Variants in BUB1B observed in about 807,000 individuals in gnomAD.
The protein encoded by BUB1B is mitotic checkpoint serine/threonine-protein kinase BUB1 beta.
In BUB1B, 86 loss-of-function variants were observed where a neutral mutation model predicts 137.7. That is an observed-to-expected ratio of 0.62 (90% CI 0.52 to 0.75). The LOEUF (loss-of-function observed/expected upper bound fraction) is 0.75, where lower values mean the gene tolerates loss of function less well. Among genes scored for constraint, BUB1B ranks in the 30% least tolerant of loss-of-function variants. The pLI, the probability that BUB1B is intolerant of heterozygous loss-of-function variation, is 0.00. For synonymous variants in BUB1B, 420 were observed against 417.9 expected (o/e 1.00, Z -0.06); for missense variants, 1,130 against 1,236.9 (o/e 0.91, Z 1.30).
In BUB1B at chr15:40,220,628, A is replaced by G. The variant is rs750610809; in HGVS notation, c.3022A>G (p.Thr1008Ala). Reference sequence around the variant, plus strand: ...GATTCTGAATGCCAATGATGAGGCCACAGTGTCTGTTCTTGGGGAGCTTGC... The same window carrying G: ...GATTCTGAATGCCAATGATGAGGCCGCAGTGTCTGTTCTTGGGGAGCTTGC... The part of the protein sequence containing the change: ...VRILNANDEA[T>A]VSVLGELAAE... The change falls in exon 23 of 23, where the codon ACA becomes GCA. Residue 1008 changes from threonine (T) to alanine (A), a missense_variant. Transcript: ENST00000287598. The G allele has an allele frequency of 2.5e-5, 41 of 1,614,120 alleles. No individual in the cohort carries two copies. The highest frequency in any genetic ancestry group is 3.5e-5 in the Non-Finnish European group (41 of 1,180,040).
At chr15:40,199,799 G>A in intron 10 of BUB1B, 72 bp downstream of exon 10, 1 of 1,205,746 alleles carries the variant, frequency 8.3e-7, no homozygotes, top group South Asian at 1.3e-5. Flanking sequence ...AAATATAGAA[G>A]GTTAAAGTCC....
intron 9 of BUB1B, among the ~76,000 whole-genome samples, chr15:40,198,597 T>C (rs1025649991): frequency 1.3e-5 from 2 of 152,220 alleles, no homozygotes; most frequent in African/African-American, 4.8e-5. Flanking sequence ...AGGTTGTTTT[T>C]TCTTTGCGTT....
chr15:40,183,728 G>T lies in BUB1B; in HGVS notation c.596G>T (p.Arg199Leu). Residue 199 changes from arginine (R) to leucine (L), a missense_variant, in exon 6 of 23, where the codon CGA becomes CTA. By Grantham distance (102) the Arg-to-Leu change is moderately radical. Transcript: ENST00000287598. ...TGCTACTTTAGACAATTCCAAGCTCGAGTGTCTCGGCAAACTCTGTTGGCA... is the reference window on the plus strand; with the variant it reads ...TGCTACTTTAGACAATTCCAAGCTCTAGTGTCTCGGCAAACTCTGTTGGCA... Reference protein sequence around the residue: ...LQSQHRQFQARVSRQTLLALE... With the variant: ...LQSQHRQFQALVSRQTLLALE... The T allele has an allele frequency of 6.2e-7, 1 of 1,613,992 alleles. No homozygotes were observed.
intron 1 of BUB1B, among the ~76,000 whole-genome samples, chr15:40,163,246 G>T (rs1422487489): frequency 6.6e-6 from 1 of 152,166 alleles, no homozygotes; most frequent in Admixed American, 6.5e-5. Flanking sequence ...GTTGGAAAAT[G>T]AATGAAGGAA....
At chr15:40,184,341 G>T (rs971248075) in intron 6 of BUB1B, among the ~76,000 whole-genome samples, 3 of 148,242 alleles carry the variant, frequency 2.0e-5, no homozygotes, top group African/African-American at 7.6e-5. Flanking sequence ...ATAGGTTCTC[G>T]CTCTGTTGCC....
chr15:40,200,752 T>C (rs2037558181), intron 11 of BUB1B, among the ~76,000 whole-genome samples, 179 bp from the exon 12 acceptor site: 2 of 152,214 alleles, frequency 1.3e-5, no homozygotes, highest in Admixed American at 6.5e-5. Flanking sequence ...ATCAAATATA[T>C]TTCTGCAACA....
chr15:40,161,156 C>G lies in BUB1B; in HGVS notation c.-65C>G. 1 of 1,594,706 alleles carries G rather than the reference C, an allele frequency of 6.3e-7. No individual in the cohort carries two copies. Among genetic ancestry groups the G allele is most frequent in the Non-Finnish European group, 8.5e-7 (1 of 1,169,938 alleles). ...CCGAGGGCAGGTTGCGGAAGAAAGC[C>G]CAGGCGGTCTGTGGCCCAGAGGAAA... On this transcript the variant is annotated 5_prime_UTR_variant, in exon 1 of 23. Coordinates refer to ENST00000287598, the MANE Select transcript of BUB1B (RefSeq NM_001211.6).
chr15:40,161,334 C>A, intron 1 of BUB1B, 79 bp downstream of exon 1: 1 of 1,513,728 alleles, frequency 6.6e-7, no homozygotes. Flanking sequence ...CCGCTCGGAG[C>A]AGTCGAGGGG....
At chr15:40,210,319 C>T (rs929810751) in intron 18 of BUB1B, 109 bp downstream of exon 18, 3 of 856,072 alleles carry the variant, frequency 3.5e-6, no homozygotes, top group Non-Finnish European at 5.7e-6. Flanking sequence ...TTCAATATGT[C>T]CAAATATATT....
At chr15:40,179,767 A>G (rs1464800418) in intron 5 of BUB1B, among the ~76,000 whole-genome samples, 1 of 151,960 alleles carries the variant, frequency 6.6e-6, no homozygotes, top group Non-Finnish European at 1.5e-5. Flanking sequence ...TTACAACTTT[A>G]AGTGGTTGCT....
intron 12 of BUB1B, among the ~76,000 whole-genome samples, chr15:40,201,512 C>G (rs1182737435): frequency 6.6e-6 from 1 of 152,046 alleles, no homozygotes; most frequent in Non-Finnish European, 1.5e-5. Context: ...TGGCAAAATC[C>G]AGCATTATGG....
chr15:40,177,010 G>A (rs1318941594), intron 5 of BUB1B, among the ~76,000 whole-genome samples: 1 of 152,114 alleles, frequency 6.6e-6, no homozygotes, highest in Non-Finnish European at 1.5e-5. Flanking sequence ...CTGTGGTTTT[G>A]CCTTTTCCAG....
chr15:40,200,478 A>G, intron 11 of BUB1B, 119 bp downstream of exon 11: 1 of 720,484 alleles, frequency 1.4e-6, no homozygotes, highest in Non-Finnish European at 2.4e-6. Context: ...GGTTTTTGTA[A>G]GTCTCTGTCA....
At chr15:40,171,600 G>T (rs185727162) in intron 4 of BUB1B, among the ~76,000 whole-genome samples, 1 of 152,314 alleles carries the variant, frequency 6.6e-6, no homozygotes, top group East Asian at 1.9e-4. Context: ...TGTACTGGAG[G>T]AGGAGGTGCA....
intron 14 of BUB1B, among the ~76,000 whole-genome samples, chr15:40,204,300 G>A (rs1266909714): frequency 6.6e-6 from 1 of 152,154 alleles, no homozygotes; most frequent in African/African-American, 2.4e-5. Context: ...AGACAGTGAT[G>A]TAAGAGTAAT....
At chr15:40,180,999 T>G (rs2037285482) in intron 5 of BUB1B, among the ~76,000 whole-genome samples, 2 of 152,146 alleles carry the variant, frequency 1.3e-5, no homozygotes, top group Admixed American at 6.5e-5. Context: ...TCCTGACCTA[T>G]ACATAATGTG....
At chr15:40,181,216 T>A (rs2037288757) in intron 5 of BUB1B, among the ~76,000 whole-genome samples, 1 of 151,760 alleles carries the variant, frequency 6.6e-6, no homozygotes, top group African/African-American at 2.4e-5. Flanking sequence ...CTCAGCCTCC[T>A]GAGTAGCTGG....
chr15:40,183,450 G>C (rs1233954449), intron 5 of BUB1B, among the ~76,000 whole-genome samples: 1 of 152,156 alleles, frequency 6.6e-6, no homozygotes, highest in Non-Finnish European at 1.5e-5. Context: ...CTGATCCTCA[G>C]ATCAACTTAA....
At position 40,218,567 on chromosome 15, in the gene BUB1B, G is replaced by A. The variant is rs759059022; in HGVS notation, c.2957+5G>A. On this transcript the variant is annotated splice_donor_5th_base_variant and intron_variant, in intron 22 of 22. Coordinates refer to ENST00000287598, the MANE Select transcript of BUB1B (RefSeq NM_001211.6). ...ACTTAGCCAAAATATTTCTGAGTAAGTATTGATGAATGTCAGGGTCTCTGC... is the reference window on the plus strand; with the variant it reads ...ACTTAGCCAAAATATTTCTGAGTAAATATTGATGAATGTCAGGGTCTCTGC... The A allele has an allele frequency of 1.0e-5, 16 of 1,588,754 alleles. No homozygotes were observed. The highest frequency in any genetic ancestry group is 1.2e-5 in the Non-Finnish European group (14 of 1,157,204).
Sources: allele counts gnomAD v4.1 joint callset (sites outside exome capture counted in the v4.1 genomes callset), GRCh38; gene constraint gnomAD v4.1.1; transcripts MANE v1.5; gene names NCBI Gene and HGNC (gene_info 2026-07-23, HGNC 2026-07-21).